The following TBC1D22A variants were observed in gnomAD, a reference collection of about 807,000 sequenced individuals.
TBC1D22A encodes the protein putative GTPase activator.
TBC1D22A carries 38 observed loss-of-function variants against 60.2 expected under a neutral mutation model. The ratio of observed to expected loss-of-function variants is 0.63; its 90% CI spans 0.49 to 0.83. TBC1D22A has a LOEUF of 0.83. Among genes scored for constraint, TBC1D22A ranks in the 40% least tolerant of loss-of-function variants. TBC1D22A has a pLI of 0.00. For synonymous variants in TBC1D22A, 302 were observed against 281.7 expected, an observed-to-expected ratio of 1.07 and a Z score of -0.72; for missense variants, 628 against 701.0, an observed-to-expected ratio of 0.90 and a Z score of 1.18.
intron 11 of TBC1D22A, among the ~76,000 whole-genome samples, chr22:47,038,386 T>C (rs1413069154): frequency 2.0e-5 from 3 of 152,310 alleles, no homozygotes; most frequent in East Asian, 3.9e-4. Flanking sequence ...TAAGGCGGCA[T>C]AGGTCCCAGG....
At chr22:47,109,436 A>G (rs2065763273) in intron 11 of TBC1D22A, among the ~76,000 whole-genome samples, 1 of 152,158 alleles carries the variant, frequency 6.6e-6, no homozygotes, top group African/African-American at 2.4e-5. Flanking sequence ...GAACTCTTAG[A>G]ATATGCACCC....
chr22:47,145,886 C>T, intron 12 of TBC1D22A, among the ~76,000 whole-genome samples: 1 of 152,210 alleles, frequency 6.6e-6, no homozygotes. Context: ...ACTAGGAGGC[C>T]ACGGTGTGGG....
intron 4 of TBC1D22A, among the ~76,000 whole-genome samples, chr22:46,851,272 A>C (rs2147279119): frequency 6.6e-6 from 1 of 152,368 alleles, no homozygotes; most frequent in South Asian, 2.1e-4. Flanking sequence ...GTAGTAGACC[A>C]CGAGACACAG....
intron 12 of TBC1D22A, among the ~76,000 whole-genome samples, chr22:47,154,939 C>T (rs1322975058): frequency 6.6e-6 from 1 of 152,234 alleles, no homozygotes; most frequent in Non-Finnish European, 1.5e-5. Flanking sequence ...AAGTGGGCGT[C>T]CTTCCCTGCT....
intron 11 of TBC1D22A, among the ~76,000 whole-genome samples, chr22:47,043,582 G>A (rs370970741): frequency 1.3e-5 from 2 of 152,200 alleles, no homozygotes; most frequent in Admixed American, 6.5e-5. Flanking sequence ...TGCTGAGGAC[G>A]TAGGGAAGAT....
chr22:46,892,726 A>G (rs932172844), intron 6 of TBC1D22A, among the ~76,000 whole-genome samples: 4 of 152,236 alleles, frequency 2.6e-5, no homozygotes, highest in Non-Finnish European at 4.4e-5. Context: ...GGATGACACT[A>G]GCATCTATCT....
chr22:47,147,137 C>T (rs529648750), intron 12 of TBC1D22A, among the ~76,000 whole-genome samples: 1 of 152,178 alleles, frequency 6.6e-6, no homozygotes, highest in African/African-American at 2.4e-5. Context: ...CCAGGTCAGG[C>T]CTCGGCGGGT....
chr22:47,162,201 G>C (rs1702328166), intron 12 of TBC1D22A, among the ~76,000 whole-genome samples: 1 of 127,750 alleles, frequency 7.8e-6, no homozygotes, highest in South Asian at 2.2e-4. Flanking sequence ...TCATTTGAAA[G>C]GTTTTTTTTT....
chr22:47,074,065 A>C (rs541835872), intron 11 of TBC1D22A, among the ~76,000 whole-genome samples: 1 of 152,330 alleles, frequency 6.6e-6, no homozygotes, highest in Non-Finnish European at 1.5e-5. Context: ...CTATGATCGC[A>C]CCACTGTACT....
chr22:46,795,399 G>A (rs1284229094), intron 3 of TBC1D22A, among the ~76,000 whole-genome samples: 1 of 152,238 alleles, frequency 6.6e-6, no homozygotes, highest in Admixed American at 6.5e-5. Flanking sequence ...TGTGTGGCTG[G>A]GGGATCTGAC....
chr22:46,966,876 G>A (rs1046783240), intron 8 of TBC1D22A, among the ~76,000 whole-genome samples: 1 of 152,164 alleles, frequency 6.6e-6, no homozygotes, highest in Admixed American at 6.5e-5. Context: ...GTCTGCTTGC[G>A]GGTGGTGGGA....
intron 8 of TBC1D22A, among the ~76,000 whole-genome samples, chr22:46,958,245 A>G (rs1308226739): frequency 6.6e-6 from 1 of 152,150 alleles, no homozygotes. Flanking sequence ...TTTATTGATC[A>G]GGTCCATTCA....
At chr22:46,933,762 C>T (rs2071489294) in intron 8 of TBC1D22A, among the ~76,000 whole-genome samples, 1 of 152,222 alleles carries the variant, frequency 6.6e-6, no homozygotes, top group African/African-American at 2.4e-5. Context: ...GAAATGTGAC[C>T]AGCACCACTG....
intron 9 of TBC1D22A, among the ~76,000 whole-genome samples, chr22:46,977,421 T>A (rs2074343784): frequency 6.6e-6 from 1 of 152,130 alleles, no homozygotes; most frequent in Admixed American, 6.5e-5. Context: ...ATCACCCCTC[T>A]GTCCCCAAGA....
intron 8 of TBC1D22A, among the ~76,000 whole-genome samples, chr22:46,921,663 C>A (rs60929934): frequency 0.073 from 11,064 of 152,052 alleles, 686 homozygotes; most frequent in African/African-American, 0.17. Context: ...GAGAAATCAC[C>A]GAACTGCTTT....
At chr22:46,775,264 C>T (rs1024078328) in intron 1 of TBC1D22A, among the ~76,000 whole-genome samples, 7 of 152,160 alleles carry the variant, frequency 4.6e-5, no homozygotes, top group African/African-American at 1.2e-4. Context: ...GTGTTTGGGG[C>T]GGGAGGCTAG....
At chr22:46,833,977 C>CT (rs756076123) in intron 4 of TBC1D22A, among the ~76,000 whole-genome samples, 3 of 152,206 alleles carry the variant, frequency 2.0e-5, no homozygotes, top group Non-Finnish European at 4.4e-5. Flanking sequence ...AAAGTCTTTT[C>CT]TTTCCATTTT....
At chr22:46,853,204 C>T (rs1290487540) in intron 4 of TBC1D22A, among the ~76,000 whole-genome samples, 1 of 152,262 alleles carries the variant, frequency 6.6e-6, no homozygotes, top group East Asian at 1.9e-4. Flanking sequence ...GCTCTGCCTC[C>T]CCTCGTCCAT....
At chr22:46,893,467 G>A (rs900407518) in intron 6 of TBC1D22A, among the ~76,000 whole-genome samples, 5 of 152,216 alleles carry the variant, frequency 3.3e-5, no homozygotes, top group Non-Finnish European at 7.3e-5. Flanking sequence ...TCTGGTGGAT[G>A]CTGCCTCGTC....
Sources: gnomAD v4.1 joint callset for allele counts (sites outside exome capture counted in the v4.1 genomes callset) on GRCh38, gnomAD v4.1.1 for gene constraint, MANE v1.5 for transcripts, NCBI Gene and HGNC (gene_info 2026-07-23, HGNC 2026-07-21) for gene names.